The following SF3B3 variants were observed in gnomAD, a reference collection of about 807,000 sequenced individuals.
SF3B3 encodes the protein SAP 130.
Under a neutral mutation model 139.2 loss-of-function variants are expected in SF3B3, and 33 were observed. The ratio of observed to expected loss-of-function variants is 0.24; its 90% CI spans 0.18 to 0.32. SF3B3 has a LOEUF of 0.32. Among genes scored for constraint, SF3B3 ranks in the 10% least tolerant of loss-of-function variants. The pLI is 1.00. For synonymous variants in SF3B3, 596 were observed against 563.6 expected (o/e 1.06, Z -0.81); for missense variants, 818 against 1,509.4 (o/e 0.54, Z 7.59).
chr16:70,558,580 T>C (rs1011274221), intron 15 of SF3B3, among the ~76,000 whole-genome samples: 1 of 152,110 alleles, frequency 6.6e-6, no homozygotes, highest in African/African-American at 2.4e-5. Flanking sequence ...TCTTTAAAAT[T>C]TTATTTGTCT....
intron 3 of SF3B3, among the ~76,000 whole-genome samples, chr16:70,530,164 AAATAAAT>A (rs1280792364): frequency 6.7e-6 from 1 of 149,962 alleles, no homozygotes; most frequent in South Asian, 2.1e-4. Context: ...ATAAATAAAT[AAATAAAT>A]AAGAGAGAGA....
At chr16:70,530,533 G>A (rs1445210262) in intron 3 of SF3B3, among the ~76,000 whole-genome samples, 5 of 151,554 alleles carry the variant, frequency 3.3e-5, no homozygotes, top group Non-Finnish European at 7.4e-5. Flanking sequence ...TAGTCAGGCT[G>A]GTCTTGAACT....
intron 1 of SF3B3, among the ~76,000 whole-genome samples, chr16:70,525,327 G>A (rs899133326): frequency 6.6e-6 from 1 of 152,062 alleles, no homozygotes; most frequent in Admixed American, 6.6e-5. Flanking sequence ...ACTGCGCCTG[G>A]CCTCGTATAT....
At chr16:70,547,039 AT>A (rs1555500098) in intron 10 of SF3B3, among the ~76,000 whole-genome samples, 1 of 151,370 alleles carries the variant, frequency 6.6e-6, no homozygotes, top group Non-Finnish European at 1.5e-5. Flanking sequence ...AAAAAAAAAA[AT>A]TTTTTTTTAA....
rs1597726794 is a variant in SF3B3 at position 70,573,219 on chromosome 16, C to G, written c.*1406C>G. 6.6e-6 allele frequency: 1 copy of G among 152,270 alleles called. No homozygotes were observed. The highest frequency in any genetic ancestry group is 2.1e-4 in the South Asian group (1 of 4,818). The allele number at this position is 152,270 out of a possible 1,614,324, so 9.4% of individuals were successfully genotyped here. ...AATAACATGTTTTTTTCTCACTTAGCTCATGAATTTGCATAGTAGACAGTA... is the reference window on the plus strand; with the variant it reads ...AATAACATGTTTTTTTCTCACTTAGGTCATGAATTTGCATAGTAGACAGTA... On this transcript the variant is annotated 3_prime_UTR_variant, in exon 26 of 26. Transcript: ENST00000302516.
rs760246368 is a variant in SF3B3 at position 70,563,993 on chromosome 16, G to A, written c.2406G>A (p.Thr802=). The part of the protein sequence containing the change: ...PESNNLIIIE[T]DHNAYTEATK... ...GTAACAACCTTATTATCATTGAAACGGACCACAATGCCTACACTGAGGCCA... is the reference window on the plus strand; with the variant it reads ...GTAACAACCTTATTATCATTGAAACAGACCACAATGCCTACACTGAGGCCA... The change falls in exon 18 of 26, where the codon ACG becomes ACA. Residue 802 remains threonine (T), a synonymous_variant. Coordinates refer to ENST00000302516, the MANE Select transcript of SF3B3 (RefSeq NM_012426.5). 12 of 1,613,928 alleles carry A rather than the reference G, an allele frequency of 7.4e-6. No homozygotes were observed. The Admixed American group carries it at 2.0e-4, about 27-fold the overall frequency.
rs2050587882 is a variant in SF3B3 at position 70,577,101 on chromosome 16, C to G, written c.*5288C>G. ...TGTGATTGCGCCACTACACTCCAGC[C>G]TGGATGACAGGACGAAACCTGTCTC... On this transcript the variant is annotated 3_prime_UTR_variant, in exon 26 of 26. Coordinates refer to ENST00000302516, the MANE Select transcript of SF3B3 (RefSeq NM_012426.5). 1.3e-5 allele frequency: 2 copies of G among 152,330 alleles called. No individual in the cohort carries two copies. The highest frequency in any genetic ancestry group is 4.8e-5 in the African/African-American group (2 of 41,442). 9.4% of individuals were successfully genotyped at this position (152,330 alleles called of 1,614,324 possible).
rs148235997 is a variant in SF3B3, at chr16:70,576,562, T to C, written c.*4749T>C. ...TATATGTGTATAAGCTAGTAACACGTGATGGTCAAGGGAAGTACTACCATT... is the reference window on the plus strand; with the variant it reads ...TATATGTGTATAAGCTAGTAACACGCGATGGTCAAGGGAAGTACTACCATT... On this transcript the variant is annotated 3_prime_UTR_variant, in exon 26 of 26. Coordinates refer to ENST00000302516, the MANE Select transcript of SF3B3 (RefSeq NM_012426.5). 6.6e-6 allele frequency: 1 copy of C among 152,266 alleles called. No individual in the cohort carries two copies. Among genetic ancestry groups the C allele is most frequent in the Non-Finnish European group, 1.5e-5 (1 of 68,028 alleles). 9.4% of individuals were successfully genotyped at this position (152,266 alleles called of 1,614,324 possible).
chr16:70,536,202 C>T (rs551271603), intron 6 of SF3B3, among the ~76,000 whole-genome samples: 2 of 150,874 alleles, frequency 1.3e-5, no homozygotes, highest in Non-Finnish European at 2.9e-5. Flanking sequence ...GAGTCTTGCT[C>T]TGTTGCCCAT....
chr16:70,567,368 G>A (rs2050486596), intron 20 of SF3B3, 43 bp from the exon 21 acceptor site: 1 of 1,584,046 alleles, frequency 6.3e-7, no homozygotes, highest in Non-Finnish European at 8.6e-7. Context: ...CCTGTGTCTG[G>A]CTGGCATTTA....
At chr16:70,528,056 T>G (rs1167286457) in intron 2 of SF3B3, among the ~76,000 whole-genome samples, 1 of 152,182 alleles carries the variant, frequency 6.6e-6, no homozygotes, top group Non-Finnish European at 1.5e-5. Flanking sequence ...ATTACAGGCA[T>G]GAGCTACTGT....
chr16:70,548,837 A>G (rs565897448), intron 11 of SF3B3, among the ~76,000 whole-genome samples: 1 of 152,220 alleles, frequency 6.6e-6, no homozygotes, highest in Non-Finnish European at 1.5e-5. Flanking sequence ...AGTGAAATTG[A>G]AGGTGGTGTT....
intron 1 of SF3B3, among the ~76,000 whole-genome samples, chr16:70,525,482 A>G (rs2050052411): frequency 1.3e-5 from 2 of 151,732 alleles, no homozygotes; most frequent in South Asian, 4.2e-4. Flanking sequence ...AGTTATAAGG[A>G]AAGGGGAAAG....
chr16:70,563,972 C>T lies in SF3B3; in HGVS notation c.2385C>T (p.Asn795=). The change falls in exon 18 of 26, where the codon AAC becomes AAT. Residue 795 remains asparagine, a synonymous_variant. Coordinates refer to ENST00000302516, the MANE Select transcript of SF3B3 (RefSeq NM_012426.5). ...PRKFVIHPES[N]NLIIIETDHN... The stretch of plus-strand genomic sequence containing the variant: ...AATTTGTCATCCACCCTGAGAGTAA[C>T]AACCTTATTATCATTGAAACGGACC... The T allele has an allele frequency of 6.2e-7, 1 of 1,614,154 alleles. No individual in the cohort carries two copies. Among genetic ancestry groups the T allele is most frequent in the Non-Finnish European group, 8.5e-7 (1 of 1,180,038 alleles).
chr16:70,564,433 G>C (rs991431841), intron 18 of SF3B3, among the ~76,000 whole-genome samples: 8 of 152,126 alleles, frequency 5.3e-5, no homozygotes, highest in Non-Finnish European at 7.4e-5. Context: ...GCTTTTTTCA[G>C]CTTTTTTAAG....
At position 70,561,785 on chromosome 16, in the gene SF3B3, G is replaced by T; in HGVS notation, c.2288+1G>T. On this transcript the variant is annotated splice_donor_variant, in intron 17 of 25. Transcript: ENST00000302516. LOFTEE classifies it high-confidence loss of function. ...TGGCCATCTCCACCAACACCCTACG[G>T]TGAGTGAGTCTCATGTTTGAAGCTC... is the stretch of plus-strand genomic sequence containing the variant. 1 of 1,613,520 alleles carries T rather than the reference G, an allele frequency of 6.2e-7. No individual in the cohort carries two copies. The highest frequency in any genetic ancestry group is 8.5e-7 in the Non-Finnish European group (1 of 1,179,570).
rs942004821 is a variant in SF3B3 at position 70,570,333 on chromosome 16, G to T, written c.3408+184G>T. On this transcript the variant is annotated intron_variant, in intron 24 of 25. Coordinates refer to ENST00000302516, the MANE Select transcript of SF3B3 (RefSeq NM_012426.5). The stretch of plus-strand genomic sequence containing the variant: ...TCCCGCACCCAGGGAAGGCCATTTG[G>T]TTTTTTTTTTTTTTTTTGCGACGGA... 2.9e-3 allele frequency among the ~76,000 whole-genome samples: 353 copies of T among 121,788 alleles called. 1 individual carries two copies. Among genetic ancestry groups the T allele is most frequent in the Non-Finnish European group, 4.6e-3 (277 of 59,846 alleles). 79.9% of individuals were successfully genotyped at this position (121,788 alleles called of 152,430 possible).
Position 70,564,005 on chromosome 16 carries a change from C to T in SF3B3, c.2418C>T (p.Ala806=), listed in dbSNP as rs1445869079. Residue 806 remains alanine (A), a synonymous_variant, in exon 18 of 26, where the codon GCC becomes GCT. Coordinates refer to ENST00000302516, the MANE Select transcript of SF3B3 (RefSeq NM_012426.5). ...NLIIIETDHN[A]YTEATKAQRK... ...TTATCATTGAAACGGACCACAATGCCTACACTGAGGCCACGAAAGCTCAGA... is the reference window on the plus strand; with the variant it reads ...TTATCATTGAAACGGACCACAATGCTTACACTGAGGCCACGAAAGCTCAGA... The T allele has an allele frequency of 1.9e-6, 3 of 1,614,120 alleles. No individual in the cohort carries two copies. The highest frequency in any genetic ancestry group is 2.7e-5 in the African/African-American group (2 of 74,992).
chr16:70,552,231 C>G (rs146117164), intron 11 of SF3B3, among the ~76,000 whole-genome samples: 1 of 152,226 alleles, frequency 6.6e-6, no homozygotes, highest in African/African-American at 2.4e-5. Flanking sequence ...CCAGTTACAG[C>G]CTTTTGTTGT....
Sources: allele counts gnomAD v4.1 joint callset (sites outside exome capture counted in the v4.1 genomes callset), GRCh38; gene constraint gnomAD v4.1.1; transcripts MANE v1.5; gene names NCBI Gene and HGNC (gene_info 2026-07-23, HGNC 2026-07-21).